HRH1: variants seen among roughly 807,000 people sequenced by gnomAD.
HRH1 encodes the protein histamine H1 receptor.
Under a neutral mutation model 10.3 loss-of-function variants are expected in HRH1, and 6 were observed. That is an observed-to-expected ratio of 0.58 (90% CI 0.32 to 1.15). HRH1 has a LOEUF of 1.15. Among genes scored for constraint, HRH1 ranks in the 50% most tolerant of loss-of-function variants. The pLI is 0.05. For missense variants in HRH1, 514 were observed against 615.3 expected (o/e 0.84, Z 1.74); for synonymous variants, 242 against 236.7 (o/e 1.02, Z -0.21).
At chr3:11,254,836 G>A (rs951245342) in intron 1 of HRH1, among the ~76,000 whole-genome samples, 7 of 152,186 alleles carry the variant, frequency 4.6e-5, no homozygotes, top group East Asian at 1.9e-4. Flanking sequence ...AGTCACAATC[G>A]CAAGAGCACA....
At position 11,214,322 on chromosome 3, in the gene HRH1, A is replaced by G. The variant is rs546275843; in HGVS notation, c.-35-44681A>G. ...CAGTTAGTAACGCAGTCTTCTGGGA[A>G]TCATTTTGTTGGCAAGTCACAGCCT... On this transcript the variant is annotated intron_variant, in intron 1 of 1. Coordinates refer to ENST00000431010, the MANE Select transcript of HRH1 (RefSeq NM_001098212.2). Among the ~76,000 whole-genome samples, 22 of 152,312 alleles carry G rather than the reference A, an allele frequency of 1.4e-4. No individual in the cohort carries two copies. In the South Asian group the frequency reaches 4.3e-3, roughly 30 times the overall value.
At chr3:11,147,970 A>C (rs1231764751) in intron 1 of HRH1, among the ~76,000 whole-genome samples, 1 of 152,136 alleles carries the variant, frequency 6.6e-6, no homozygotes, top group Non-Finnish European at 1.5e-5. Flanking sequence ...TCACAAAGTC[A>C]AGTGATCAAG....
chr3:11,198,660 C>T (rs1390768835), intron 1 of HRH1, among the ~76,000 whole-genome samples: 5 of 151,062 alleles, frequency 3.3e-5, no homozygotes, highest in African/African-American at 1.2e-4. Flanking sequence ...TCGCTTGAGC[C>T]CAGGAGTTCG....
chr3:11,251,004 G>A (rs992720017), intron 1 of HRH1, among the ~76,000 whole-genome samples: 3 of 152,172 alleles, frequency 2.0e-5, no homozygotes, highest in African/African-American at 7.2e-5. Flanking sequence ...CTCGCATGAA[G>A]GGCTTAGACA....
At chr3:11,196,488 C>T (rs1368305444) in intron 1 of HRH1, among the ~76,000 whole-genome samples, 1 of 152,088 alleles carries the variant, frequency 6.6e-6, no homozygotes, top group East Asian at 1.9e-4. Flanking sequence ...TCACTGCAAC[C>T]TCTGCCTCCC....
At chr3:11,209,506 T>C (rs1415977434) in intron 1 of HRH1, among the ~76,000 whole-genome samples, 1 of 152,260 alleles carries the variant, frequency 6.6e-6, no homozygotes, top group Non-Finnish European at 1.5e-5. Context: ...TGGAATTAAA[T>C]GTATCGGTGG....
chr3:11,244,604 G>A (rs1202281321), intron 1 of HRH1, among the ~76,000 whole-genome samples: 1 of 152,228 alleles, frequency 6.6e-6, no homozygotes, highest in Non-Finnish European at 1.5e-5. Flanking sequence ...TAAAACCAAC[G>A]TTGCTGAGCT....
At chr3:11,199,820 G>C (rs1278218321) in intron 1 of HRH1, among the ~76,000 whole-genome samples, 1 of 152,166 alleles carries the variant, frequency 6.6e-6, no homozygotes, top group Non-Finnish European at 1.5e-5. Context: ...CTGAGAAATG[G>C]TCATTTGGGT....
intron 1 of HRH1, among the ~76,000 whole-genome samples, chr3:11,238,500 CA>C (rs1218516186): frequency 2.0e-5 from 3 of 152,182 alleles, no homozygotes; most frequent in Non-Finnish European, 4.4e-5. Context: ...GAACCCAGAG[CA>C]GCCTCTTTCT....
At chr3:11,248,805 C>T (rs1939557571) in intron 1 of HRH1, among the ~76,000 whole-genome samples, 1 of 152,210 alleles carries the variant, frequency 6.6e-6, no homozygotes, top group Non-Finnish European at 1.5e-5. Context: ...AAGAATCTTG[C>T]ATGACTCATT....
Position 11,260,557 on chromosome 3 carries a change from A to G in HRH1, c.*56A>G. 1 of 1,484,212 alleles carries G rather than the reference A, an allele frequency of 6.7e-7. No homozygotes were observed. Among genetic ancestry groups the G allele is most frequent in the African/African-American group, 1.4e-5 (1 of 71,234 alleles). The allele number at this position is 1,484,212 out of a possible 1,614,324, so 91.9% of individuals were successfully genotyped here. On this transcript the variant is annotated 3_prime_UTR_variant, in exon 2 of 2. Transcript: ENST00000431010. ...TCCTTATGATGTCCAACAAGGAAAT[A>G]GAGGACGAAGGCCTGTGTGTTGCCA...
At chr3:11,184,796 A>T (rs12487112) in intron 1 of HRH1, among the ~76,000 whole-genome samples, 26,312 of 151,650 alleles carry the variant, frequency 0.17, 2,649 homozygotes, top group Admixed American at 0.31. Context: ...GGGCACCTGT[A>T]GTCCCAGCTA....
chr3:11,176,965 C>T (rs563121053), intron 1 of HRH1, among the ~76,000 whole-genome samples: 186 of 152,176 alleles, frequency 1.2e-3, no homozygotes, highest in Non-Finnish European at 1.9e-3. Context: ...TGGTGGCACA[C>T]GCCTGTAATC....
intron 1 of HRH1, among the ~76,000 whole-genome samples, chr3:11,228,172 T>A (rs1007939673): frequency 6.6e-6 from 1 of 152,160 alleles, no homozygotes; most frequent in African/African-American, 2.4e-5. Context: ...TAATTCAGCT[T>A]TAGTTAGGAA....
intron 1 of HRH1, among the ~76,000 whole-genome samples, chr3:11,145,740 G>A (rs1936427187): frequency 8.4e-6 from 1 of 119,662 alleles, no homozygotes; most frequent in South Asian, 3.3e-4. Flanking sequence ...GTCAGTAACA[G>A]TACCCCTCCT....
In HRH1 at chr3:11,259,812, G is replaced by A; in HGVS notation, c.775G>A (p.Val259Ile). 6.2e-7 allele frequency: 1 copy of A among 1,613,928 alleles called. No homozygotes were observed. Among genetic ancestry groups the A allele is most frequent in the South Asian group, 1.1e-5 (1 of 91,080 alleles). The stretch of plus-strand genomic sequence containing the variant: ...ACCAGGGAAGGAGTCTCCCTGGGAG[G>A]TTCTGAAAAGGAAGCCAAAAGATGC... Reference protein sequence around the residue: ...KKPGKESPWEVLKRKPKDAGG... With the variant: ...KKPGKESPWEILKRKPKDAGG... The change falls in exon 2 of 2, where the codon GTT (valine) becomes ATT (isoleucine). Residue 259 changes from valine (V) to isoleucine (I), a missense_variant. Coordinates refer to ENST00000431010, the MANE Select transcript of HRH1 (RefSeq NM_001098212.2). The surrounding 1 kb of genome is among the most constrained non-coding windows in gnomAD (Gnocchi z 4.6).
At chr3:11,181,508 G>C (rs1021446787) in intron 1 of HRH1, among the ~76,000 whole-genome samples, 1 of 149,034 alleles carries the variant, frequency 6.7e-6, no homozygotes, top group Non-Finnish European at 1.5e-5. Flanking sequence ...TGTGTAGGAA[G>C]TACTATCTCA....
intron 1 of HRH1, among the ~76,000 whole-genome samples, chr3:11,171,838 C>G (rs903160665): frequency 6.6e-6 from 1 of 152,344 alleles, no homozygotes; most frequent in African/African-American, 2.4e-5. Flanking sequence ...GTTGTCTCAT[C>G]TGAAGCAGGA....
chr3:11,138,617 T>A (rs1427145621), intron 1 of HRH1, among the ~76,000 whole-genome samples: 1 of 151,892 alleles, frequency 6.6e-6, no homozygotes, highest in Non-Finnish European at 1.5e-5. Flanking sequence ...TACCATATGA[T>A]CCAACAAGAC....
Sources: gnomAD v4.1 joint callset for allele counts (sites outside exome capture counted in the v4.1 genomes callset) on GRCh38, gnomAD v4.1.1 for gene constraint, Gnocchi (gnomAD v3.1) non-coding constraint, MANE v1.5 for transcripts, NCBI Gene and HGNC (gene_info 2026-07-23, HGNC 2026-07-21) for gene names.